Variants in TMEM132B observed in about 807,000 individuals in gnomAD.
The protein encoded by TMEM132B is transmembrane protein 132B.
Under a neutral mutation model 90.8 loss-of-function variants are expected in TMEM132B, and 18 were observed. The observed-to-expected ratio is 0.20, with a 90% CI of 0.14 to 0.29. The LOEUF (loss-of-function observed/expected upper bound fraction) is 0.29, where lower values mean the gene tolerates loss of function less well. Ranked by LOEUF, TMEM132B falls within the 10% of genes least tolerant of loss-of-function variation. The pLI, the probability that TMEM132B is intolerant of heterozygous loss-of-function variation, is 1.00. For missense variants in TMEM132B, 1,096 were observed against 1,326.8 expected, an observed-to-expected ratio of 0.83 and a Z score of 2.70; for synonymous variants, 504 against 523.3, an observed-to-expected ratio of 0.96 and a Z score of 0.50.
intron 1 of TMEM132B, among the ~76,000 whole-genome samples, chr12:125,298,801 T>A (rs1875737545): frequency 6.7e-6 from 1 of 150,230 alleles, no homozygotes; most frequent in African/African-American, 2.4e-5. Flanking sequence ...TGGCGCGATC[T>A]CGGCTCACTG....
intron 5 of TMEM132B, among the ~76,000 whole-genome samples, chr12:125,603,493 A>T (rs1885617276): frequency 6.6e-6 from 1 of 152,234 alleles, no homozygotes; most frequent in South Asian, 2.1e-4. Context: ...CAAACCATAA[A>T]AACCCCACAA....
chr12:125,187,020 G>T (rs891984887), intron 1 of TMEM132B, among the ~76,000 whole-genome samples, 154 bp downstream of exon 1: 1 of 152,180 alleles, frequency 6.6e-6, no homozygotes, highest in Admixed American at 6.5e-5. Context: ...CCCCCGGCGC[G>T]TTCCCCTTTG....
At chr12:125,465,234 CAAT>C (rs967474445) in intron 3 of TMEM132B, among the ~76,000 whole-genome samples, 4 of 152,130 alleles carry the variant, frequency 2.6e-5, no homozygotes, top group African/African-American at 9.7e-5. Context: ...TTTGTCCTCT[CAAT>C]GATCAGAAAT....
chr12:125,492,073 T>C lies in TMEM132B; in HGVS notation c.1107-27366T>C, dbSNP rs73220908. Among the ~76,000 whole-genome samples, 15,727 of 152,196 alleles carry C rather than the reference T, an allele frequency of 0.1. 1,302 individuals are homozygous for C. Among genetic ancestry groups the C allele is most frequent in the Admixed American group, 0.27 (4,188 of 15,278 alleles). ...AAGGGGAAAATTTAATCAAGGAGGA[T>C]CAATACTGCTTATGTGGAGTGAAAG... On this transcript the variant is annotated intron_variant, in intron 3 of 8. Coordinates refer to ENST00000682704, the MANE Select transcript of TMEM132B (RefSeq NM_001366854.1). The surrounding 1 kb of genome is among the most constrained non-coding windows in gnomAD (Gnocchi z 5.8).
chr12:125,305,058 G>C (rs535915793), intron 1 of TMEM132B, among the ~76,000 whole-genome samples: 1 of 152,122 alleles, frequency 6.6e-6, no homozygotes, highest in Admixed American at 6.6e-5. Flanking sequence ...CCCCTGGGGA[G>C]GTTGGGCACT....
At chr12:125,338,657 T>C (rs1158185496) in intron 1 of TMEM132B, among the ~76,000 whole-genome samples, 1 of 152,172 alleles carries the variant, frequency 6.6e-6, no homozygotes, top group East Asian at 1.9e-4. Context: ...GAGTAGCCCC[T>C]TGATCCTTGG....
chr12:125,652,299 G>A (rs1593047437), intron 7 of TMEM132B, 142 bp from the exon 8 acceptor site: 3 of 677,284 alleles, frequency 4.4e-6, no homozygotes, highest in East Asian at 6.0e-5. Flanking sequence ...TTGAACAACG[G>A]CATAATACTT....
chr12:125,447,769 T>G (rs1380037564), intron 3 of TMEM132B, among the ~76,000 whole-genome samples: 2 of 152,212 alleles, frequency 1.3e-5, no homozygotes, highest in African/African-American at 2.4e-5. Flanking sequence ...TCCCTGGCAG[T>G]AGAAATCTAA....
chr12:125,377,926 C>T (rs375821225), intron 2 of TMEM132B, among the ~76,000 whole-genome samples: 2 of 152,268 alleles, frequency 1.3e-5, no homozygotes, highest in South Asian at 2.1e-4. Context: ...GGGGATACAG[C>T]GCACACATAC....
intron 5 of TMEM132B, among the ~76,000 whole-genome samples, chr12:125,590,936 G>T (rs1394829990): frequency 6.6e-6 from 1 of 152,164 alleles, no homozygotes; most frequent in Non-Finnish European, 1.5e-5. Flanking sequence ...GTCAGCCCCA[G>T]ATCCTATGAC....
At chr12:125,622,709 C>G in intron 5 of TMEM132B, 1 of 972,938 alleles carries the variant, frequency 1.0e-6, no homozygotes, top group Non-Finnish European at 1.2e-6. Context: ...TTGGGCCTTT[C>G]CAGAAACCTT....
intron 4 of TMEM132B, among the ~76,000 whole-genome samples, chr12:125,571,215 G>A (rs547987296): frequency 6.6e-6 from 1 of 152,256 alleles, no homozygotes; most frequent in Non-Finnish European, 1.5e-5. Context: ...TCCCATCCTG[G>A]CTCTGCAGCT....
At position 125,492,266 on chromosome 12, in the gene TMEM132B, G is replaced by T. The variant is rs546533488; in HGVS notation, c.1107-27173G>T. On this transcript the variant is annotated intron_variant, in intron 3 of 8. Coordinates refer to ENST00000682704, the MANE Select transcript of TMEM132B (RefSeq NM_001366854.1). This position sits in a 1 kb window ranked among gnomAD's most constrained non-coding sequence, Gnocchi z 5.8. ...AAGTTACACCTGCCGTGGCAGCTCA[G>T]CCTTCCTCGTCTGTCTCTTGAAGTG... Among the ~76,000 whole-genome samples, 14 of 152,316 alleles carry T rather than the reference G, an allele frequency of 9.2e-5. No individual in the cohort carries two copies. In the East Asian group the frequency reaches 2.7e-3, roughly 29 times the overall value.
intron 3 of TMEM132B, among the ~76,000 whole-genome samples, chr12:125,430,622 G>T (rs1880473014): frequency 6.6e-6 from 1 of 152,142 alleles, no homozygotes; most frequent in Non-Finnish European, 1.5e-5. Flanking sequence ...CTTGAACCAG[G>T]TCTTCACGAC....
chr12:125,556,342 A>G (rs1164272888), intron 4 of TMEM132B, among the ~76,000 whole-genome samples: 3 of 152,192 alleles, frequency 2.0e-5, no homozygotes, highest in Non-Finnish European at 4.4e-5. Flanking sequence ...AAAGACTATG[A>G]TTAGAACCCA....
chr12:125,589,426 G>A (rs1426081392), intron 5 of TMEM132B, among the ~76,000 whole-genome samples: 3 of 145,872 alleles, frequency 2.1e-5, no homozygotes, highest in Admixed American at 7.0e-5. Flanking sequence ...AGCTTGCAGT[G>A]AGCCAAGATT....
chr12:125,640,516 T>C (rs2137019537), intron 5 of TMEM132B, among the ~76,000 whole-genome samples: 1 of 152,090 alleles, frequency 6.6e-6, no homozygotes, highest in East Asian at 1.9e-4. Context: ...AGGGAGGGCG[T>C]GCAAGGTGAG....
At chr12:125,191,850 GT>G (rs1872802840) in intron 1 of TMEM132B, among the ~76,000 whole-genome samples, 1 of 152,300 alleles carries the variant, frequency 6.6e-6, no homozygotes, top group African/African-American at 2.4e-5. Context: ...GTGAGACTCA[GT>G]TTTCCCATCT....
chr12:125,641,258 A>T (rs1886624150), intron 5 of TMEM132B, among the ~76,000 whole-genome samples: 1 of 152,216 alleles, frequency 6.6e-6, no homozygotes, highest in South Asian at 2.1e-4. Context: ...CAATTCCACA[A>T]ATGACCAAAA....
Sources: allele counts gnomAD v4.1 joint callset (sites outside exome capture counted in the v4.1 genomes callset), GRCh38; gene constraint gnomAD v4.1.1; non-coding constraint Gnocchi (gnomAD v3.1); transcripts MANE v1.5; gene names NCBI Gene and HGNC (gene_info 2026-07-23, HGNC 2026-07-21).